Variants in PIK3C3 observed in about 807,000 individuals in gnomAD.
PIK3C3 encodes the protein PI3-kinase type 3.
PIK3C3 carries 95 observed loss-of-function variants against 126.1 expected under a neutral mutation model. That is an observed-to-expected ratio of 0.75 (90% CI 0.64 to 0.89). PIK3C3 has a LOEUF of 0.89. PIK3C3 is among the 40% of genes least tolerant of loss of function. PIK3C3 has a pLI of 0.00. For missense variants in PIK3C3, 829 were observed against 1,063.2 expected, an observed-to-expected ratio of 0.78 and a Z score of 3.06; for synonymous variants, 374 against 360.0, an observed-to-expected ratio of 1.04 and a Z score of -0.44.
chr18:42,003,995 A>G (rs1567978475), intron 9 of PIK3C3, among the ~76,000 whole-genome samples: 1 of 152,148 alleles, frequency 6.6e-6, no homozygotes, highest in Non-Finnish European at 1.5e-5. Context: ...GTTGTAAAAT[A>G]TAGGTTTTCT....
At chr18:41,996,118 A>G (rs1032481128) in intron 8 of PIK3C3, 124 bp downstream of exon 8, 31 of 670,758 alleles carry the variant, frequency 4.6e-5, no homozygotes, top group Non-Finnish European at 7.0e-5. Flanking sequence ...TGAATCCTAC[A>G]TCATGTTCAT....
intron 10 of PIK3C3, among the ~76,000 whole-genome samples, chr18:42,012,182 G>T (rs1262611038): frequency 7.9e-6 from 1 of 126,206 alleles, no homozygotes; most frequent in South Asian, 2.9e-4. Flanking sequence ...CCTTCATTCT[G>T]TAAAAAAAAA....
chr18:42,026,920 G>A (rs1293077767), intron 13 of PIK3C3: 2 of 152,230 alleles, frequency 1.3e-5, no homozygotes, highest in African/African-American at 4.8e-5. Flanking sequence ...GAAAGTTAAA[G>A]ATTATGTATG....
intron 19 of PIK3C3, among the ~76,000 whole-genome samples, chr18:42,042,968 T>A (rs1984391144): frequency 6.6e-6 from 1 of 152,238 alleles, no homozygotes; most frequent in Non-Finnish European, 1.5e-5. Flanking sequence ...CACATCTTCC[T>A]GTGGCCCATG....
chr18:42,068,624 A>G (rs1396900335), intron 24 of PIK3C3, among the ~76,000 whole-genome samples: 3 of 151,830 alleles, frequency 2.0e-5, no homozygotes, highest in African/African-American at 7.3e-5. Flanking sequence ...CTTTTCCCAC[A>G]TTAGCTGATG....
intron 20 of PIK3C3, among the ~76,000 whole-genome samples, chr18:42,046,131 T>A (rs1335508414): frequency 6.6e-6 from 1 of 152,156 alleles, no homozygotes; most frequent in East Asian, 1.9e-4. Context: ...ACAGTTAAAT[T>A]CACATTATAT....
At chr18:42,067,676 G>C (rs560742526) in intron 24 of PIK3C3, among the ~76,000 whole-genome samples, 163 bp downstream of exon 24, 1 of 152,188 alleles carries the variant, frequency 6.6e-6, no homozygotes, top group Non-Finnish European at 1.5e-5. Flanking sequence ...TGTTTCACAC[G>C]TTACTAATTC....
At chr18:42,019,785 A>G (rs1262006851) in intron 12 of PIK3C3, among the ~76,000 whole-genome samples, 1 of 152,104 alleles carries the variant, frequency 6.6e-6, no homozygotes, top group Admixed American at 6.6e-5. Flanking sequence ...AGGCATTTTG[A>G]ACTTAATATT....
chr18:42,021,853 T>G (rs1050092552), intron 13 of PIK3C3, among the ~76,000 whole-genome samples: 1 of 152,162 alleles, frequency 6.6e-6, no homozygotes, highest in South Asian at 2.1e-4. Flanking sequence ...CTAAGTATAA[T>G]GCAAATATTC....
rs1289578113 is a variant in PIK3C3, at chr18:42,083,144, A to G, written c.*2007A>G. 6.6e-6 allele frequency: 1 copy of G among 152,200 alleles called. No homozygotes were observed. The highest frequency in any genetic ancestry group is 2.4e-5 in the African/African-American group (1 of 41,450). 9.4% of individuals were successfully genotyped at this position (152,200 alleles called of 1,614,324 possible). On this transcript the variant is annotated 3_prime_UTR_variant, in exon 25 of 25. Transcript: ENST00000262039. Reference sequence around the variant, plus strand: ...GAGTGACAAGCCTATATCAAAAAGAAAAGTGGCTTATCAATCTCAGTTTTT... The same window carrying G: ...GAGTGACAAGCCTATATCAAAAAGAGAAGTGGCTTATCAATCTCAGTTTTT...
chr18:42,034,688 G>T (rs1385938624), intron 16 of PIK3C3, among the ~76,000 whole-genome samples: 1 of 152,174 alleles, frequency 6.6e-6, no homozygotes, highest in African/African-American at 2.4e-5. Flanking sequence ...AGGACCAAAG[G>T]CCAGAGCATC....
chr18:41,955,705 C>T (rs1168585374), intron 1 of PIK3C3, among the ~76,000 whole-genome samples: 4 of 152,092 alleles, frequency 2.6e-5, no homozygotes, highest in African/African-American at 7.2e-5. Flanking sequence ...AGTAAGAGGA[C>T]GATCTTTATT....
chr18:41,973,134 T>G (rs192676944), intron 4 of PIK3C3, among the ~76,000 whole-genome samples: 4 of 152,256 alleles, frequency 2.6e-5, no homozygotes, highest in Non-Finnish European at 5.9e-5. Flanking sequence ...CTGGGTTTCA[T>G]AGTTATTATC....
rs1367123728 is a variant in PIK3C3 at position 42,029,437 on chromosome 18, A to G, written c.1703A>G (p.Lys568Arg). 10 of 1,581,128 alleles carry G rather than the reference A, an allele frequency of 6.3e-6. No homozygotes were observed. The highest frequency in any genetic ancestry group is 8.7e-6 in the Non-Finnish European group (10 of 1,149,924). The change falls in exon 15 of 25, where the codon AAA (lysine) becomes AGA (arginine). Residue 568 changes from lysine (K) to arginine (R), a missense_variant. Lys to Arg is a conservative substitution (Grantham distance 26). This residue lies in a region of PIK3C3 where 256 missense variants were observed against 291.0 expected (regional missense o/e 0.88). Transcript: ENST00000262039. ...CAACGCGAAAGTGGAAATCGTAAGAAAAAGGTAAGCCTATGGTGTATGCTT... is the reference window on the plus strand; with the variant it reads ...CAACGCGAAAGTGGAAATCGTAAGAGAAAGGTAAGCCTATGGTGTATGCTT... The part of the protein sequence containing the change: ...AVQRESGNRK[K>R]KNERLQALLG...
intron 3 of PIK3C3, among the ~76,000 whole-genome samples, chr18:41,969,211 C>A (rs1300572274): frequency 6.6e-6 from 1 of 151,690 alleles, no homozygotes; most frequent in Admixed American, 6.6e-5. Context: ...TAGTTTTTTT[C>A]TTTCTATTGT....
intron 20 of PIK3C3, among the ~76,000 whole-genome samples, chr18:42,046,299 A>T (rs923112376): frequency 2.6e-5 from 4 of 152,158 alleles, no homozygotes; most frequent in Non-Finnish European, 5.9e-5. Context: ...ATTTTAGAAA[A>T]TAATGTTTTA....
chr18:42,003,165 G>A (rs750297000), intron 9 of PIK3C3, among the ~76,000 whole-genome samples: 32 of 152,178 alleles, frequency 2.1e-4, no homozygotes, highest in Non-Finnish European at 3.8e-4. Context: ...TAAGTTAGGG[G>A]ATGGGTTTGA....
chr18:42,007,164 G>A (rs945210005), intron 10 of PIK3C3, among the ~76,000 whole-genome samples: 6 of 152,056 alleles, frequency 3.9e-5, no homozygotes, highest in Admixed American at 2.0e-4. Context: ...CACCACACCC[G>A]GCCTTAAAAA....
chr18:42,034,408 A>G (rs1983957273), intron 16 of PIK3C3, among the ~76,000 whole-genome samples: 1 of 152,092 alleles, frequency 6.6e-6, no homozygotes, highest in African/African-American at 2.4e-5. Context: ...ATTTTTCTTT[A>G]TGTAAATTTT....
Sources: gnomAD v4.1 joint callset for allele counts (sites outside exome capture counted in the v4.1 genomes callset) on GRCh38, gnomAD v4.1.1 for gene constraint, gnomAD v4.1.1 regional missense constraint, MANE v1.5 for transcripts, NCBI Gene and HGNC (gene_info 2026-07-23, HGNC 2026-07-21) for gene names.